The following DLG2 variants were observed in gnomAD, a reference collection of about 807,000 sequenced individuals.
DLG2 encodes the protein disks large homolog 2.
In DLG2, 45 loss-of-function variants were observed where a neutral mutation model predicts 132.5. The ratio of observed to expected loss-of-function variants is 0.34; its 90% CI spans 0.27 to 0.44. The LOEUF (loss-of-function observed/expected upper bound fraction) is 0.44. DLG2 is among the 20% of genes least tolerant of loss of function. DLG2 has a pLI of 1.00. For missense variants in DLG2, 1,045 were observed against 1,196.9 expected, an observed-to-expected ratio of 0.87 and a Z score of 1.87; for synonymous variants, 424 against 419.6, an observed-to-expected ratio of 1.01 and a Z score of -0.13.
chr11:83,755,621 T>C (rs567518952), intron 18 of DLG2, among the ~76,000 whole-genome samples: 2 of 151,428 alleles, frequency 1.3e-5, no homozygotes, highest in African/African-American at 4.9e-5. Context: ...TTATGATCTA[T>C]AGTGTTAATT....
intron 6 of DLG2, among the ~76,000 whole-genome samples, chr11:85,087,298 G>C (rs2068064211): frequency 6.6e-6 from 1 of 152,202 alleles, no homozygotes; most frequent in Non-Finnish European, 1.5e-5. Flanking sequence ...CAGTGAGAGA[G>C]AGAGAGCCCC....
At position 83,554,634 on chromosome 11, in the gene DLG2, G is replaced by A. The variant is rs909642486; in HGVS notation, c.1941-12776C>T. On this transcript the variant is annotated intron_variant, in intron 19 of 27. Transcript: ENST00000376104. ...TGATCTATCTAACAATATTTACCTC[G>A]TCCTTCCTCAGTGCCAGATCTGGGA... Among the ~76,000 whole-genome samples the A allele has an allele frequency of 3.3e-5, 5 of 152,050 alleles. No homozygotes were observed. In the South Asian group the frequency reaches 6.2e-4, roughly 19 times the overall value.
At chr11:83,501,999 A>G (rs897206176) in intron 21 of DLG2, among the ~76,000 whole-genome samples, 1 of 152,214 alleles carries the variant, frequency 6.6e-6, no homozygotes, top group African/African-American at 2.4e-5. Context: ...GCACTCTTCA[A>G]GGTACCCCAG....
intron 17 of DLG2, among the ~76,000 whole-genome samples, chr11:83,801,900 T>C (rs1315779366): frequency 6.6e-6 from 1 of 152,174 alleles, no homozygotes; most frequent in Non-Finnish European, 1.5e-5. Flanking sequence ...TTAAATCACA[T>C]AACTTTATTT....
chr11:85,034,959 C>T (rs1566700960), intron 6 of DLG2, among the ~76,000 whole-genome samples: 3 of 152,154 alleles, frequency 2.0e-5, no homozygotes, highest in African/African-American at 7.2e-5. Flanking sequence ...ACGCCAAAAT[C>T]TCAACCTCAA....
chr11:83,925,430 C>T (rs2078793561), intron 15 of DLG2, among the ~76,000 whole-genome samples: 1 of 152,068 alleles, frequency 6.6e-6, no homozygotes, highest in Non-Finnish European at 1.5e-5. Flanking sequence ...TTAACAGCTA[C>T]CTAGAGATTA....
In DLG2 at chr11:85,217,211, A is replaced by G. The variant is rs189781007; in HGVS notation, c.187-62560T>C. ...AGAACTATGATATGAACTCAAACTCAAGATTTTAATCCAATATGTGTTCTA... is the reference window on the plus strand; with the variant it reads ...AGAACTATGATATGAACTCAAACTCGAGATTTTAATCCAATATGTGTTCTA... On this transcript the variant is annotated intron_variant, in intron 4 of 27. Coordinates refer to ENST00000376104, the MANE Select transcript of DLG2 (RefSeq NM_001142699.3). Among the ~76,000 whole-genome samples the G allele has an allele frequency of 1.6e-3, 237 of 152,124 alleles. 1 individual carries two copies. The highest frequency in any genetic ancestry group is 5.5e-3 in the African/African-American group (229 of 41,506).
chr11:85,467,319 T>C (rs941536093), intron 3 of DLG2, among the ~76,000 whole-genome samples: 2 of 152,180 alleles, frequency 1.3e-5, no homozygotes, highest in African/African-American at 4.8e-5. Context: ...CCTGCCTGAT[T>C]GCCCTGGCCA....
chr11:84,852,666 A>T (rs1361472210), intron 6 of DLG2, among the ~76,000 whole-genome samples: 1 of 150,956 alleles, frequency 6.6e-6, no homozygotes, highest in Non-Finnish European at 1.5e-5. Flanking sequence ...AAAATAAATG[A>T]AATATAACCT....
At chr11:84,792,970 T>G (rs1049841136) in intron 6 of DLG2, among the ~76,000 whole-genome samples, 4 of 152,184 alleles carry the variant, frequency 2.6e-5, no homozygotes, top group Non-Finnish European at 4.4e-5. Context: ...GGGTTTGGTC[T>G]GCTCTTGCTA....
intron 17 of DLG2, among the ~76,000 whole-genome samples, chr11:83,798,200 T>G (rs1279466468): frequency 6.6e-6 from 1 of 152,220 alleles, no homozygotes; most frequent in Non-Finnish European, 1.5e-5. Flanking sequence ...AAGGCCAGGA[T>G]TCAAATCTTG....
intron 6 of DLG2, among the ~76,000 whole-genome samples, chr11:84,679,316 G>A (rs1003137322): frequency 2.6e-5 from 4 of 151,970 alleles, no homozygotes; most frequent in East Asian, 1.9e-4. Flanking sequence ...ATGAAAGTTC[G>A]ATGTCAATAT....
Position 85,357,154 on chromosome 11 carries a change from C to A in DLG2, c.41-71789G>T, listed in dbSNP as rs530432218. 5.9e-5 allele frequency among the ~76,000 whole-genome samples: 9 copies of A among 151,806 alleles called. No individual in the cohort carries two copies. In the South Asian group the frequency reaches 1.9e-3, roughly 32 times the overall value. On this transcript the variant is annotated intron_variant, in intron 3 of 27. Transcript: ENST00000376104. ...ACAGGAGGAGAAGCAAGTCACAGAG[C>A]AGCCTGCATTTCCTTTTCACTATGC... is the stretch of plus-strand genomic sequence containing the variant.
At chr11:83,898,390 T>C (rs1026953808) in intron 15 of DLG2, among the ~76,000 whole-genome samples, 1 of 152,098 alleles carries the variant, frequency 6.6e-6, no homozygotes, top group South Asian at 2.1e-4. Flanking sequence ...TAATACTTTG[T>C]GTCTAAAATT....
chr11:84,616,738 T>A (rs2099605041), intron 6 of DLG2, among the ~76,000 whole-genome samples: 1 of 152,128 alleles, frequency 6.6e-6, no homozygotes. Flanking sequence ...CCTTGCACTG[T>A]CATTATGAAG....
At chr11:84,176,295 A>C (rs1007721386) in intron 8 of DLG2, among the ~76,000 whole-genome samples, 4 of 145,384 alleles carry the variant, frequency 2.8e-5, no homozygotes, top group Non-Finnish European at 6.0e-5. Context: ...CTGAAGATTT[A>C]CTATATGCTA....
At chr11:83,575,810 T>G (rs1230309631) in intron 19 of DLG2, among the ~76,000 whole-genome samples, 1 of 152,164 alleles carries the variant, frequency 6.6e-6, no homozygotes, top group African/African-American at 2.4e-5. Flanking sequence ...CATGATACAT[T>G]TCAATATTTA....
At chr11:84,538,598 G>GTT (rs113029208) in intron 6 of DLG2, among the ~76,000 whole-genome samples, 47 of 146,194 alleles carry the variant, frequency 3.2e-4, no homozygotes, top group African/African-American at 1.2e-3. Context: ...TACTCCCTAT[G>GTT]TTTTTTTTTT....
chr11:84,923,692 G>A lies in DLG2; in HGVS notation c.357+187969C>T, dbSNP rs756064004. On this transcript the variant is annotated intron_variant, in intron 6 of 27. Coordinates refer to ENST00000376104, the MANE Select transcript of DLG2 (RefSeq NM_001142699.3). ...TGTTTGGCAAATACTACAAATCACC[G>A]CAAGCATGTCTCATTCTGCTTCTCC... is the stretch of plus-strand genomic sequence containing the variant. 2.3e-4 allele frequency: 128 copies of A among 545,452 alleles called. 1 individual carries two copies. The highest frequency in any genetic ancestry group is 3.8e-4 in the Admixed American group (6 of 15,766). The allele number at this position is 545,452 out of a possible 1,614,324, so 33.8% of individuals were successfully genotyped here.
Sources: allele counts gnomAD v4.1 joint callset (sites outside exome capture counted in the v4.1 genomes callset), GRCh38; gene constraint gnomAD v4.1.1; transcripts MANE v1.5; gene names NCBI Gene and HGNC (gene_info 2026-07-23, HGNC 2026-07-21).